FLI1: variants seen among roughly 807,000 people sequenced by gnomAD.
FLI1 encodes the protein Fli-1 proto-oncogene, ETS transcription factor.
Under a neutral mutation model 53.1 loss-of-function variants are expected in FLI1, and 13 were observed. The observed-to-expected ratio is 0.24, with a 90% confidence interval of 0.16 to 0.39. The LOEUF is 0.39. FLI1 is among the 10% of genes least tolerant of loss of function. FLI1 has a pLI of 1.00. For missense variants in FLI1, 424 were observed against 600.5 expected, an observed-to-expected ratio of 0.71 and a Z score of 3.07; for synonymous variants, 244 against 236.7, an observed-to-expected ratio of 1.03 and a Z score of -0.28.
chr11:128,732,438 C>T (rs976131571), intron 1 of FLI1, among the ~76,000 whole-genome samples: 1 of 152,174 alleles, frequency 6.6e-6, no homozygotes, highest in African/African-American at 2.4e-5. Flanking sequence ...GCATACTCTG[C>T]CAGGCATTGT....
intron 1 of FLI1, among the ~76,000 whole-genome samples, chr11:128,749,035 A>G (rs532233449): frequency 6.6e-6 from 1 of 152,244 alleles, no homozygotes; most frequent in South Asian, 2.1e-4. Context: ...AGATAATTCC[A>G]CTATGTGTCT....
intron 1 of FLI1, among the ~76,000 whole-genome samples, chr11:128,720,107 G>A (rs1193315012): frequency 2.6e-5 from 4 of 151,950 alleles, no homozygotes; most frequent in African/African-American, 7.3e-5. Flanking sequence ...CCTTCCTTCC[G>A]GTCTTTATAA....
At chr11:128,718,960 G>A (rs189367304) in intron 1 of FLI1, among the ~76,000 whole-genome samples, 1 of 152,222 alleles carries the variant, frequency 6.6e-6, no homozygotes, top group Non-Finnish European at 1.5e-5. Flanking sequence ...TAAGCACTAT[G>A]TTCAACATAA....
At chr11:128,721,079 C>T (rs1939233194) in intron 1 of FLI1, among the ~76,000 whole-genome samples, 1 of 152,208 alleles carries the variant, frequency 6.6e-6, no homozygotes, top group Non-Finnish European at 1.5e-5. Flanking sequence ...AGAATCTGTC[C>T]TTGCCAACTA....
intron 1 of FLI1, among the ~76,000 whole-genome samples, chr11:128,740,504 A>G (rs1043917388): frequency 2.0e-5 from 3 of 152,220 alleles, no homozygotes; most frequent in African/African-American, 7.2e-5. Context: ...GTTCCAACAT[A>G]CTTTTAGCTC....
intron 1 of FLI1, among the ~76,000 whole-genome samples, chr11:128,712,351 A>G (rs947874954): frequency 2.6e-5 from 4 of 152,234 alleles, no homozygotes; most frequent in African/African-American, 4.8e-5. Flanking sequence ...CTGCAGAACC[A>G]TGAGCACCAT....
intron 4 of FLI1, among the ~76,000 whole-genome samples, chr11:128,774,922 T>TAA (rs34558833): frequency 1.3e-5 from 2 of 152,032 alleles, no homozygotes; most frequent in Non-Finnish European, 2.9e-5. Flanking sequence ...GAAGAGCAGA[T>TAA]AACAAGGTTG....
At chr11:128,765,401 G>A (rs1210738255) in intron 2 of FLI1, among the ~76,000 whole-genome samples, 1 of 152,170 alleles carries the variant, frequency 6.6e-6, no homozygotes, top group Non-Finnish European at 1.5e-5. Flanking sequence ...ACAGCAAGAG[G>A]TCAGTTTTTA....
chr11:128,793,537 G>T (rs1942341259), intron 5 of FLI1, among the ~76,000 whole-genome samples: 1 of 152,174 alleles, frequency 6.6e-6, no homozygotes, highest in African/African-American at 2.4e-5. Flanking sequence ...GGAGAAGAAA[G>T]GCACCTTCCT....
At chr11:128,732,725 T>A (rs576349850) in intron 1 of FLI1, among the ~76,000 whole-genome samples, 22 of 152,276 alleles carry the variant, frequency 1.4e-4, no homozygotes, top group African/African-American at 5.3e-4. Context: ...CTTCGTTGCT[T>A]CCAACACATA....
At chr11:128,765,330 A>G (rs750587719) in intron 2 of FLI1, among the ~76,000 whole-genome samples, 6 of 152,186 alleles carry the variant, frequency 3.9e-5, no homozygotes, top group South Asian at 2.1e-4. Flanking sequence ...CCTACCGTAC[A>G]TGGCCATAAC....
At chr11:128,731,523 A>C (rs777336858) in intron 1 of FLI1, among the ~76,000 whole-genome samples, 1 of 152,144 alleles carries the variant, frequency 6.6e-6, no homozygotes, top group Non-Finnish European at 1.5e-5. Context: ...AAAACAAACA[A>C]AAAACAAAAA....
Position 128,701,639 on chromosome 11 carries a change from T to C in FLI1, c.18+7363T>C, listed in dbSNP as rs1397372507. ...TCTTTGGGAAACAATGTGTCTGCCA[T>C]TTAGTTTAAGATCAAAATCTCAGAG... On this transcript the variant is annotated intron_variant, in intron 1 of 8. Transcript: ENST00000527786. Among the ~76,000 whole-genome samples, 3 of 152,340 alleles carry C rather than the reference T, an allele frequency of 2.0e-5. No individual in the cohort carries two copies. In the East Asian group the frequency reaches 5.8e-4, roughly 29 times the overall value.
chr11:128,747,541 T>TA (rs1189040430), intron 1 of FLI1, among the ~76,000 whole-genome samples: 1 of 152,222 alleles, frequency 6.6e-6, no homozygotes, highest in African/African-American at 2.4e-5. Flanking sequence ...GGTGGGAGAA[T>TA]ACTGGCTCCG....
intron 2 of FLI1, among the ~76,000 whole-genome samples, chr11:128,759,605 T>G (rs1200506741): frequency 6.6e-6 from 1 of 152,052 alleles, no homozygotes; most frequent in Non-Finnish European, 1.5e-5. Context: ...ATGAAGGGGG[T>G]GCATGACAGG....
intron 1 of FLI1, among the ~76,000 whole-genome samples, chr11:128,716,966 G>A (rs1450188381): frequency 6.6e-6 from 1 of 152,182 alleles, no homozygotes; most frequent in Non-Finnish European, 1.5e-5. Context: ...TCATCCTAAG[G>A]AGGTAGGACA....
chr11:128,753,498 T>C lies in FLI1; in HGVS notation c.19-4617T>C, dbSNP rs56085649. 9.5e-3 allele frequency among the ~76,000 whole-genome samples: 1,440 copies of C among 152,346 alleles called. 21 individuals carry two copies. Among genetic ancestry groups the C allele is most frequent in the African/African-American group, 0.033 (1,363 of 41,566 alleles). ...TGAATTTGCATGCTGGTGTTCTTCC[T>C]ACACCCAGCCTATCACCTCAGTTAA... On this transcript the variant is annotated intron_variant, in intron 1 of 8. Transcript: ENST00000527786.
chr11:128,724,728 G>A (rs1939399305), intron 1 of FLI1, among the ~76,000 whole-genome samples: 1 of 152,166 alleles, frequency 6.6e-6, no homozygotes. Context: ...ATCTAAATGG[G>A]TGCATGGTTC....
At chr11:128,748,228 A>G in intron 1 of FLI1, 1 of 981,558 alleles carries the variant, frequency 1.0e-6, no homozygotes, top group Non-Finnish European at 1.2e-6. Context: ...TTGCAATTGC[A>G]TCTTCTAGGA....
Sources: gnomAD v4.1 joint callset for allele counts (sites outside exome capture counted in the v4.1 genomes callset) on GRCh38, gnomAD v4.1.1 for gene constraint, MANE v1.5 for transcripts, NCBI Gene and HGNC (gene_info 2026-07-23, HGNC 2026-07-21) for gene names.